CIRSR: variants seen among roughly 807,000 people sequenced by gnomAD.
The protein encoded by CIRSR is CBF1 (RBPJ) interacting corepressor 1.
chr2:174,395,648 G>A, the CIRSR span: 8 of 1,614,200 alleles, frequency 5.0e-6, no homozygotes, highest in Non-Finnish European at 6.8e-6. Context: ...AGGGAAAGCA[G>A]GGGCTAGATC....
At chr2:174,386,460 G>A in the CIRSR span, among the ~76,000 whole-genome samples, 1 of 151,662 alleles carries the variant, frequency 6.6e-6, no homozygotes, top group Non-Finnish European at 1.5e-5. Flanking sequence ...GGGATTACAG[G>A]CATGAGCCAC....
chr2:174,356,522 A>AGGAAGGAAGGAAGGAAGGAAG, the CIRSR span, among the ~76,000 whole-genome samples: 3 of 135,530 alleles, frequency 2.2e-5, no homozygotes, highest in East Asian at 2.1e-4. Flanking sequence ...GAAGAAAGAA[A>AGGAAGGAAGGAAGGAAGGAAG]GAAAGAAGAA....
the CIRSR span, among the ~76,000 whole-genome samples, chr2:174,378,209 G>A: frequency 6.6e-6 from 1 of 152,100 alleles, no homozygotes; most frequent in South Asian, 2.1e-4. Flanking sequence ...AAAAATCTCT[G>A]AGTTATACTA....
At chr2:174,376,191 C>T in the CIRSR span, among the ~76,000 whole-genome samples, 1 of 152,224 alleles carries the variant, frequency 6.6e-6, no homozygotes, top group East Asian at 1.9e-4. Flanking sequence ...TTAGGGGTAT[C>T]CGCCTCATGC....
At chr2:174,360,260 C>T in the CIRSR span, among the ~76,000 whole-genome samples, 1 of 152,196 alleles carries the variant, frequency 6.6e-6, no homozygotes, top group East Asian at 1.9e-4. Context: ...TATTTTATCT[C>T]CTTAGTACTT....
chr2:174,380,902 CAT>C, the CIRSR span: 2 of 574,852 alleles, frequency 3.5e-6, no homozygotes, highest in Non-Finnish European at 2.3e-6. Flanking sequence ...ACTATGATAT[CAT>C]GTTATTTAAT....
the CIRSR span, chr2:174,387,673 A>G: frequency 6.3e-6 from 10 of 1,575,386 alleles, no homozygotes; most frequent in Non-Finnish European, 8.6e-6. Flanking sequence ...CTGGCATAAC[A>G]GAATTTCTTA....
chr2:174,387,086 T>C, the CIRSR span, among the ~76,000 whole-genome samples: 4 of 152,354 alleles, frequency 2.6e-5, no homozygotes, highest in East Asian at 1.9e-4. Flanking sequence ...AGAGTAGTAA[T>C]AGTTTAGTAT....
chr2:174,383,308 A>G, the CIRSR span, among the ~76,000 whole-genome samples: 7 of 152,322 alleles, frequency 4.6e-5, no homozygotes, highest in Non-Finnish European at 8.8e-5. Context: ...TCTTTTTTGG[A>G]TAATGCAAAT....
the CIRSR span, chr2:174,350,771 T>C: frequency 3.3e-6 from 5 of 1,524,600 alleles, no homozygotes; most frequent in East Asian, 1.1e-4. Context: ...TATCATTAAA[T>C]TGCTAGATTT....
the CIRSR span, among the ~76,000 whole-genome samples, chr2:174,374,325 T>G: frequency 1.3e-5 from 2 of 152,204 alleles, no homozygotes; most frequent in Admixed American, 6.5e-5. Flanking sequence ...ACTCAGTTAC[T>G]CTCTATTAAA....
At chr2:174,380,013 A>G in the CIRSR span, among the ~76,000 whole-genome samples, 2 of 151,702 alleles carry the variant, frequency 1.3e-5, no homozygotes, top group Non-Finnish European at 2.9e-5. Context: ...ATGAGCCACC[A>G]CACCCAGCCT....
At chr2:174,348,883 A>C in the CIRSR span, 1 of 1,614,204 alleles carries the variant, frequency 6.2e-7, no homozygotes. Context: ...TGACTGCTAG[A>C]AAGTTCTTCA....
At chr2:174,351,797 T>G in the CIRSR span, 3 of 1,130,666 alleles carry the variant, frequency 2.7e-6, no homozygotes, top group Non-Finnish European at 3.8e-6. Context: ...ACAGTAGGAA[T>G]GCAGTTGAAG....
At chr2:174,351,491 G>A in the CIRSR span, 3 of 595,336 alleles carry the variant, frequency 5.0e-6, no homozygotes, top group Non-Finnish European at 8.4e-6. Flanking sequence ...ACACATTTTG[G>A]GCATTTTCTT....
the CIRSR span, among the ~76,000 whole-genome samples, chr2:174,349,479 C>T: frequency 1.4e-5 from 2 of 147,944 alleles, no homozygotes; most frequent in African/African-American, 2.5e-5. Flanking sequence ...GCAGAAGAAT[C>T]GCTTGAACCC....
the CIRSR span, among the ~76,000 whole-genome samples, chr2:174,365,551 A>G: frequency 6.6e-6 from 1 of 152,246 alleles, no homozygotes; most frequent in Non-Finnish European, 1.5e-5. Flanking sequence ...AAGAGGTTTA[A>G]CTGGACTTAC....
At chr2:174,374,571 G>A in the CIRSR span, among the ~76,000 whole-genome samples, 4 of 152,178 alleles carry the variant, frequency 2.6e-5, no homozygotes, top group African/African-American at 9.7e-5. Context: ...TAAGAATTAA[G>A]CAAATGCAGG....
At chr2:174,382,031 G>A in the CIRSR span, among the ~76,000 whole-genome samples, 20 of 152,068 alleles carry the variant, frequency 1.3e-4, no homozygotes, top group Admixed American at 1.3e-3. Context: ...AACAAAAAAG[G>A]GGAAAAATAA....
Sources: gnomAD v4.1 joint callset for allele counts (sites outside exome capture counted in the v4.1 genomes callset) on GRCh38, gnomAD v4.1.1 for gene constraint, MANE v1.5 for transcripts, NCBI Gene and HGNC (gene_info 2026-07-23, HGNC 2026-07-21) for gene names.